Variants in ULK4 observed in about 807,000 individuals in gnomAD.
ULK4 encodes inactive serine/threonine-protein kinase ULK4.
Under a neutral mutation model 160.6 loss-of-function variants are expected in ULK4, and 133 were observed. The ratio of observed to expected loss-of-function variants is 0.83; its 90% CI spans 0.72 to 0.96. ULK4 has a LOEUF of 0.96. Among genes scored for constraint, ULK4 ranks in the 40% least tolerant of loss-of-function variants. ULK4 has a pLI of 0.00. For synonymous variants in ULK4, 534 were observed against 539.8 expected (o/e 0.99, Z 0.15); for missense variants, 1,580 against 1,499.5 (o/e 1.05, Z -0.89).
chr3:41,419,842 A>G (rs1012903478), intron 34 of ULK4, among the ~76,000 whole-genome samples: 1 of 151,880 alleles, frequency 6.6e-6, no homozygotes, highest in Admixed American at 6.6e-5. Flanking sequence ...GCCTCTTTCC[A>G]TCTCTTCCTG....
intron 34 of ULK4, among the ~76,000 whole-genome samples, chr3:41,425,980 A>G (rs2082768354): frequency 6.6e-6 from 1 of 152,216 alleles, no homozygotes; most frequent in Non-Finnish European, 1.5e-5. Context: ...AAAGGCACAG[A>G]ATGGCAAGCA....
At chr3:41,773,132 C>G (rs2039462058) in intron 21 of ULK4, among the ~76,000 whole-genome samples, 1 of 152,138 alleles carries the variant, frequency 6.6e-6, no homozygotes, top group South Asian at 2.1e-4. Flanking sequence ...TGGAAAAAAA[C>G]TGGAAACATT....
intron 29 of ULK4, 96 bp from the exon 30 acceptor site, chr3:41,663,795 C>A (rs1304562598): frequency 1.2e-5 from 12 of 1,030,428 alleles, no homozygotes; most frequent in Non-Finnish European, 1.6e-5. Context: ...TAGCTTAAGA[C>A]AGAAAGATAT....
intron 27 of ULK4, among the ~76,000 whole-genome samples, chr3:41,692,585 G>C (rs1016228307): frequency 2.0e-5 from 3 of 150,122 alleles, no homozygotes; most frequent in African/African-American, 7.4e-5. Context: ...AAATACCATT[G>C]CACCCTAATC....
intron 35 of ULK4, among the ~76,000 whole-genome samples, chr3:41,262,185 G>C (rs2125677767): frequency 6.6e-6 from 1 of 152,332 alleles, no homozygotes; most frequent in Admixed American, 6.5e-5. Context: ...CGAGAGACAG[G>C]GCCGGTGTCC....
intron 19 of ULK4, among the ~76,000 whole-genome samples, chr3:41,814,981 TC>T (rs533104932): frequency 1.3e-3 from 189 of 147,598 alleles, no homozygotes; most frequent in Non-Finnish European, 2.0e-3. Flanking sequence ...TGATCTCAAC[TC>T]ACTGCAACCT....
chr3:41,742,966 G>C (rs954802286), intron 22 of ULK4, among the ~76,000 whole-genome samples: 1 of 151,760 alleles, frequency 6.6e-6, no homozygotes, highest in African/African-American at 2.4e-5. Flanking sequence ...GAGTCTCAGG[G>C]ATCAGTAGGA....
intron 21 of ULK4, among the ~76,000 whole-genome samples, chr3:41,786,745 CAAGA>C (rs2040008675): frequency 6.6e-6 from 1 of 151,732 alleles, no homozygotes; most frequent in Non-Finnish European, 1.5e-5. Context: ...AACTAGAAGA[CAAGA>C]GAGAGAAGAT....
chr3:41,767,323 C>T (rs1247471245), intron 21 of ULK4, among the ~76,000 whole-genome samples: 1 of 152,114 alleles, frequency 6.6e-6, no homozygotes, highest in Non-Finnish European at 1.5e-5. Flanking sequence ...CAGAGACAGA[C>T]ACTGAATTTA....
At chr3:41,839,581 C>G (rs979694026) in intron 17 of ULK4, among the ~76,000 whole-genome samples, 3 of 151,496 alleles carry the variant, frequency 2.0e-5, no homozygotes, top group African/African-American at 7.2e-5. Context: ...AATTTCACCA[C>G]ATAGAAAAAA....
chr3:41,876,889 A>G (rs1166493689), intron 17 of ULK4, among the ~76,000 whole-genome samples: 1 of 152,160 alleles, frequency 6.6e-6, no homozygotes, highest in Non-Finnish European at 1.5e-5. Context: ...GCACAAGAGG[A>G]TCCCCGGGTA....
intron 34 of ULK4, among the ~76,000 whole-genome samples, chr3:41,399,907 G>A (rs565887017): frequency 1.3e-5 from 2 of 152,196 alleles, no homozygotes; most frequent in South Asian, 2.1e-4. Flanking sequence ...ACCCAATCAC[G>A]CCCATGTTTT....
rs1160464181 is a variant in ULK4, at chr3:41,887,635, C to T, written c.1578-3683G>A. On this transcript the variant is annotated intron_variant, in intron 16 of 36. Transcript: ENST00000301831. ...AGAAGTTCAAGGCCAGCCTGGCCAA[C>T]ATGGTGAAACCCCATCTCTACTAAA... Among the ~76,000 whole-genome samples the T allele has an allele frequency of 6.6e-5, 10 of 152,026 alleles. No individual in the cohort carries two copies. In the East Asian group the frequency reaches 1.9e-3, roughly 29 times the overall value.
intron 32 of ULK4, among the ~76,000 whole-genome samples, chr3:41,556,147 T>G (rs997334089): frequency 6.6e-6 from 1 of 152,154 alleles, no homozygotes; most frequent in Non-Finnish European, 1.5e-5. Context: ...ATTATCTACA[T>G]AACAAACCTG....
intron 29 of ULK4, among the ~76,000 whole-genome samples, chr3:41,677,172 G>A (rs1045852807): frequency 6.6e-6 from 1 of 151,914 alleles, no homozygotes; most frequent in Non-Finnish European, 1.5e-5. Flanking sequence ...GCCTCCCAAA[G>A]TGCTGGGATT....
intron 14 of ULK4, 117 bp downstream of exon 14, chr3:41,898,315 C>A (rs1559636696): frequency 3.1e-6 from 2 of 643,852 alleles, no homozygotes. Flanking sequence ...AGAATATAGC[C>A]AATTGTCAAG....
intron 32 of ULK4, among the ~76,000 whole-genome samples, chr3:41,558,202 A>C (rs2087378847): frequency 6.6e-6 from 1 of 152,180 alleles, no homozygotes; most frequent in Non-Finnish European, 1.5e-5. Flanking sequence ...AAAATATTGG[A>C]AACAACATAT....
chr3:41,483,027 ACT>A, intron 32 of ULK4, among the ~76,000 whole-genome samples: 1 of 152,216 alleles, frequency 6.6e-6, no homozygotes, highest in South Asian at 2.1e-4. Context: ...ATCTAATTAT[ACT>A]CTTAGTTCTT....
intron 32 of ULK4, among the ~76,000 whole-genome samples, chr3:41,523,039 G>T (rs887816319): frequency 3.8e-4 from 58 of 152,220 alleles, no homozygotes; most frequent in African/African-American, 1.3e-3. Context: ...CTCTTGAGTA[G>T]CTGAGACTAC....
Sources: allele counts gnomAD v4.1 joint callset (sites outside exome capture counted in the v4.1 genomes callset), GRCh38; gene constraint gnomAD v4.1.1; transcripts MANE v1.5; gene names NCBI Gene and HGNC (gene_info 2026-07-23, HGNC 2026-07-21).